GXYLT1: variants seen among roughly 807,000 people sequenced by gnomAD.
GXYLT1 encodes the protein glucoside xylosyltransferase 1, also known as glycosyltransferase 8 domain containing 3.
Under a neutral mutation model 54.0 loss-of-function variants are expected in GXYLT1, and 29 were observed. The ratio of observed to expected loss-of-function variants is 0.54; its 90% CI spans 0.40 to 0.73. The LOEUF (loss-of-function observed/expected upper bound fraction) is 0.73. Among genes scored for constraint, GXYLT1 ranks in the 30% least tolerant of loss-of-function variants. The pLI, the probability that GXYLT1 is intolerant of heterozygous loss-of-function variation, is 0.00. For synonymous variants in GXYLT1, 176 were observed against 204.1 expected (o/e 0.86, Z 1.17); for missense variants, 490 against 553.4 (o/e 0.89, Z 1.15).
At chr12:42,127,376 T>C (rs2065569265) in intron 2 of GXYLT1, among the ~76,000 whole-genome samples, 1 of 152,148 alleles carries the variant, frequency 6.6e-6, no homozygotes, top group African/African-American at 2.4e-5. Context: ...AATAGCATGA[T>C]ATAATGGATG....
At chr12:42,136,065 G>A (rs2136919860) in intron 1 of GXYLT1, among the ~76,000 whole-genome samples, 1 of 152,232 alleles carries the variant, frequency 6.6e-6, no homozygotes, top group Non-Finnish European at 1.5e-5. Flanking sequence ...TTGCTGTAAG[G>A]AATGAAGTAA....
At chr12:42,115,963 A>G (rs1452586346) in intron 3 of GXYLT1, among the ~76,000 whole-genome samples, 1 of 148,210 alleles carries the variant, frequency 6.7e-6, no homozygotes, top group Non-Finnish European at 1.5e-5. Context: ...CAGAGCCCTC[A>G]GAAATAATGC....
At position 42,121,285 on chromosome 12, in the gene GXYLT1, T is replaced by C. The variant is rs568284805; in HGVS notation, c.315-2114A>G. On this transcript the variant is annotated intron_variant, in intron 2 of 7. Coordinates refer to ENST00000398675, the MANE Select transcript of GXYLT1 (RefSeq NM_173601.2). ...TAAGGCATAATAGTCATATGCTGTTTTGTAGAGCATCAGCTATATACACAG... is the reference window on the plus strand; with the variant it reads ...TAAGGCATAATAGTCATATGCTGTTCTGTAGAGCATCAGCTATATACACAG... Among the ~76,000 whole-genome samples the C allele has an allele frequency of 7.9e-5, 12 of 152,326 alleles. No homozygotes were observed. In the South Asian group the frequency reaches 2.5e-3, roughly 32 times the overall value.
In GXYLT1 at chr12:42,109,689, A is replaced by C. The variant is rs770758938; in HGVS notation, c.489T>G (p.Leu163=). Reference sequence around the variant, plus strand: ...ATGTTTGTAGAAATGACCAGTTGTCAAGCTAAAACAATTTAAAAAAAAACT... The same window carrying C: ...ATGTTTGTAGAAATGACCAGTTGTCCAGCTAAAACAATTTAAAAAAAAACT... ...DQLHHSFKGR[L]DNWSFLQTFN... is the part of the protein sequence containing the mutation. The change falls in exon 4 of 8, where the codon CTT becomes CTG. Residue 163 remains leucine (L), a splice_region_variant and synonymous_variant. Transcript: ENST00000398675. The C allele has an allele frequency of 2.0e-6, 3 of 1,501,772 alleles. No homozygotes were observed. The highest frequency in any genetic ancestry group is 2.7e-6 in the Non-Finnish European group (3 of 1,104,452). 93.0% of individuals were successfully genotyped at this position (1,501,772 alleles called of 1,614,324 possible). A position where few individuals can be genotyped will look rare whatever the true frequency, so the allele number is the denominator to read the frequency against.
intron 1 of GXYLT1, among the ~76,000 whole-genome samples, chr12:42,141,997 T>C (rs2065654677): frequency 6.6e-6 from 1 of 152,210 alleles, no homozygotes; most frequent in African/African-American, 2.4e-5. Flanking sequence ...CAATGGAACT[T>C]ACTGGGTACA....
Position 42,082,559 on chromosome 12 carries a change from G to T in GXYLT1, c.*5227C>A, listed in dbSNP as rs1051748179. ...AATGGTGCAATCTTGGCTCTCTGCA[G>T]CCTCAAACTCTTGCACTCAAGCAAT... is the stretch of plus-strand genomic sequence containing the variant. On this transcript the variant is annotated 3_prime_UTR_variant, in exon 8 of 8. Coordinates refer to ENST00000398675, the MANE Select transcript of GXYLT1 (RefSeq NM_173601.2). 2 of 152,146 alleles carry T rather than the reference G, an allele frequency of 1.3e-5. No individual in the cohort carries two copies. The highest frequency in any genetic ancestry group is 2.4e-5 in the African/African-American group (1 of 41,436). 9.4% of individuals were successfully genotyped at this position (152,146 alleles called of 1,614,324 possible).
intron 7 of GXYLT1, among the ~76,000 whole-genome samples, chr12:42,091,717 C>A (rs824724): frequency 0.77 from 117,300 of 152,174 alleles, 45,587 homozygotes; most frequent in African/African-American, 0.85. Context: ...AACTTAGCTA[C>A]TAATACACTA....
At chr12:42,134,798 A>G (rs1437064685) in intron 1 of GXYLT1, among the ~76,000 whole-genome samples, 1 of 152,222 alleles carries the variant, frequency 6.6e-6, no homozygotes, top group Middle Eastern at 3.2e-3. Flanking sequence ...GTAGAAATAT[A>G]AATTAATTGT....
intron 5 of GXYLT1, among the ~76,000 whole-genome samples, chr12:42,099,660 C>T (rs1159599115): frequency 6.6e-6 from 1 of 152,144 alleles, no homozygotes; most frequent in Admixed American, 6.6e-5. Flanking sequence ...CGAGACAAGC[C>T]TGGGCAACAT....
chr12:42,096,372 CA>C (rs1326348047), intron 7 of GXYLT1, among the ~76,000 whole-genome samples: 2 of 151,788 alleles, frequency 1.3e-5, no homozygotes, highest in African/African-American at 2.4e-5. Flanking sequence ...AAGAGGTACT[CA>C]AAAAAAGTGA....
chr12:42,084,325 T>C lies in GXYLT1; in HGVS notation c.*3461A>G, dbSNP rs1425877503. On this transcript the variant is annotated 3_prime_UTR_variant, in exon 8 of 8. Transcript: ENST00000398675. The stretch of plus-strand genomic sequence containing the variant: ...CACTTCCTCTCTTTTCCTTCTTTTT[T>C]GATTTAGTTACATCATTCTTTTCTT... 1 of 152,422 alleles carries C rather than the reference T, an allele frequency of 6.6e-6. No individual in the cohort carries two copies. The highest frequency in any genetic ancestry group is 2.4e-5 in the African/African-American group (1 of 41,490). The allele number at this position is 152,422 out of a possible 1,614,324, so 9.4% of individuals were successfully genotyped here. A position where few individuals can be genotyped will look rare whatever the true frequency, so the allele number is the denominator to read the frequency against.
rs1385210135 is a variant in GXYLT1, at chr12:42,119,074, T to C, written c.412A>G (p.Ile138Val). ...EETMTMLKSA[I>V]IFSIKPLQFH... ...TGAAGAGGTTTGATGCTGAAAATGA[T>C]AGCTGACTTCAACATGGTCATAGTT... The change falls in exon 3 of 8, where the codon ATC (isoleucine) becomes GTC (valine). Residue 138 changes from isoleucine to valine, a missense_variant. Transcript: ENST00000398675. 92 of 1,613,994 alleles carry C rather than the reference T, an allele frequency of 5.7e-5. No individual in the cohort carries two copies. The highest frequency in any genetic ancestry group is 7.4e-5 in the Non-Finnish European group (87 of 1,179,914).
At chr12:42,112,069 C>G (rs556183765) in intron 3 of GXYLT1, among the ~76,000 whole-genome samples, 1 of 150,276 alleles carries the variant, frequency 6.7e-6, no homozygotes, top group South Asian at 2.1e-4. Flanking sequence ...TCCAACAGAC[C>G]TGCAGCTGAG....
intron 7 of GXYLT1, among the ~76,000 whole-genome samples, chr12:42,096,015 C>T (rs889879523): frequency 2.6e-5 from 4 of 152,026 alleles, no homozygotes; most frequent in Non-Finnish European, 4.4e-5. Flanking sequence ...TTTTAAATGA[C>T]TGTAAGATTA....
intron 7 of GXYLT1, 94 bp downstream of exon 7, chr12:42,097,348 G>T: frequency 2.2e-6 from 2 of 900,972 alleles, no homozygotes; most frequent in Non-Finnish European, 3.2e-6. Context: ...GGCTGAGTGT[G>T]TGTAAAAATT....
Position 42,097,449 on chromosome 12 carries a change from A to G in GXYLT1, c.1154T>C (p.Leu385Pro), listed in dbSNP as rs2065361876. Residue 385 changes from leucine to proline, a missense_variant, in exon 7 of 8, where the codon CTG becomes CCG. This residue lies in a region of GXYLT1 where 342 missense variants were observed against 342.6 expected (regional missense o/e 1.00). Coordinates refer to ENST00000398675, the MANE Select transcript of GXYLT1 (RefSeq NM_173601.2). ...QPAFRAVYEA[L>P]RNCSFEDDNI... ...AGGAAAGGCAAATCTTACATTTCTC[A>G]GTGCTTCATAAACAGCTCTAAATGC... The G allele has an allele frequency of 2.6e-6, 4 of 1,561,126 alleles. No homozygotes were observed. The African/African-American group carries it at 5.6e-5, about 22-fold the overall frequency.
chr12:42,136,227 T>A (rs1205990422), intron 1 of GXYLT1, among the ~76,000 whole-genome samples: 1 of 152,106 alleles, frequency 6.6e-6, no homozygotes, highest in Admixed American at 6.5e-5. Flanking sequence ...CAAAAGCAAC[T>A]CATCTGAAGA....
intron 3 of GXYLT1, among the ~76,000 whole-genome samples, chr12:42,114,756 A>G (rs933148438): frequency 1.3e-3 from 200 of 152,242 alleles, no homozygotes; most frequent in African/African-American, 3.9e-3. Flanking sequence ...TAGAAAAAGA[A>G]GGAATCCTCC....
At chr12:42,142,948 T>C (rs952852535) in intron 1 of GXYLT1, among the ~76,000 whole-genome samples, 1 of 152,176 alleles carries the variant, frequency 6.6e-6, no homozygotes, top group African/African-American at 2.4e-5. Context: ...AAGTACAGTA[T>C]TTCGGTTGAC....
Sources: allele counts gnomAD v4.1 joint callset (sites outside exome capture counted in the v4.1 genomes callset), GRCh38; gene constraint gnomAD v4.1.1; regional missense constraint gnomAD v4.1.1; transcripts MANE v1.5; gene names NCBI Gene and HGNC (gene_info 2026-07-23, HGNC 2026-07-21).